SNX29: variants seen among roughly 807,000 people sequenced by gnomAD.
The protein encoded by SNX29 is sorting nexin-29.
A neutral mutation model predicts 102.1 loss-of-function variants in SNX29; 78 were observed. That is an observed-to-expected ratio of 0.76 (90% CI 0.64 to 0.92). The LOEUF (loss-of-function observed/expected upper bound fraction) is 0.92, where lower values mean the gene tolerates loss of function less well. Ranked by LOEUF, SNX29 falls within the 40% of genes least tolerant of loss-of-function variation. The pLI, the probability that SNX29 is intolerant of heterozygous loss-of-function variation, is 0.00. For synonymous variants in SNX29, 580 were observed against 414.5 expected, an observed-to-expected ratio of 1.40 and a Z score of -4.85; for missense variants, 1,280 against 1,061.7, an observed-to-expected ratio of 1.21 and a Z score of -2.86.
chr16:12,036,642 GTTT>G, intron 4 of SNX29, among the ~76,000 whole-genome samples: 1 of 60,118 alleles, frequency 1.7e-5, no homozygotes, highest in Non-Finnish European at 4.5e-5. Context: ...CGGGTTTTCT[GTTT>G]TTGTTTTTGT....
At chr16:12,492,564 G>C (rs1264628139) in intron 19 of SNX29, among the ~76,000 whole-genome samples, 1 of 152,072 alleles carries the variant, frequency 6.6e-6, no homozygotes, top group Admixed American at 6.5e-5. Context: ...TTTGGCTTTT[G>C]TTGCCATTGC....
intron 18 of SNX29, among the ~76,000 whole-genome samples, chr16:12,448,963 G>T (rs1322630605): frequency 6.6e-6 from 1 of 152,174 alleles, no homozygotes; most frequent in Non-Finnish European, 1.5e-5. Context: ...TCCAAGCTAG[G>T]GGAAGAGTTG....
chr16:12,222,973 C>T (rs1028253463), intron 14 of SNX29, among the ~76,000 whole-genome samples: 9 of 152,220 alleles, frequency 5.9e-5, no homozygotes, highest in African/African-American at 1.7e-4. Context: ...CAATGCAGGG[C>T]TCTGCAACTG....
Position 12,572,143 on chromosome 16 carries a change from C to G in SNX29, c.*3514C>G, listed in dbSNP as rs1477388991. 3.0e-6 allele frequency: 3 copies of G among 999,324 alleles called. No individual in the cohort carries two copies. Among genetic ancestry groups the G allele is most frequent in the African/African-American group, 3.4e-5 (2 of 59,586 alleles). The allele number at this position is 999,324 out of a possible 1,614,324, so 61.9% of individuals were successfully genotyped here. The stretch of plus-strand genomic sequence containing the variant: ...CTTGGCCCTGCTTCATACTTTGGAG[C>G]TTATTAAGATCAATTTTGATAACCA... On this transcript the variant is annotated 3_prime_UTR_variant, in exon 21 of 21. Coordinates refer to ENST00000566228, the MANE Select transcript of SNX29 (RefSeq NM_032167.5).
At chr16:11,981,367 G>T (rs944149626) in intron 1 of SNX29, among the ~76,000 whole-genome samples, 24 of 151,874 alleles carry the variant, frequency 1.6e-4, no homozygotes, top group African/African-American at 5.6e-4. Context: ...GCCTCCCAAA[G>T]TGCTGGGATT....
intron 12 of SNX29, among the ~76,000 whole-genome samples, chr16:12,129,050 C>T (rs936461672): frequency 6.6e-6 from 1 of 152,186 alleles, no homozygotes; most frequent in Non-Finnish European, 1.5e-5. Context: ...TCTGCTATCT[C>T]AGATGCTTTA....
At chr16:12,416,917 T>C (rs1397724404) in intron 18 of SNX29, among the ~76,000 whole-genome samples, 4 of 151,998 alleles carry the variant, frequency 2.6e-5, no homozygotes, top group Admixed American at 2.6e-4. Flanking sequence ...CAACATGATT[T>C]GGAGGGGACA....
At chr16:12,237,113 TG>T (rs2077958482) in intron 14 of SNX29, among the ~76,000 whole-genome samples, 1 of 152,100 alleles carries the variant, frequency 6.6e-6, no homozygotes, top group Non-Finnish European at 1.5e-5. Flanking sequence ...CAGTTGTACC[TG>T]GGGGCAGGCA....
chr16:12,099,578 C>G (rs990893849), intron 11 of SNX29, among the ~76,000 whole-genome samples: 1 of 152,182 alleles, frequency 6.6e-6, no homozygotes. Flanking sequence ...TCCCCCACAG[C>G]GTTCTGGCCC....
intron 18 of SNX29, among the ~76,000 whole-genome samples, chr16:12,404,840 A>T (rs1443472943): frequency 6.6e-6 from 1 of 152,108 alleles, no homozygotes; most frequent in East Asian, 1.9e-4. Flanking sequence ...TTCATTTCTC[A>T]CCTTCCCAAA....
chr16:12,471,935 C>A (rs1392627357), intron 18 of SNX29, among the ~76,000 whole-genome samples: 2 of 152,238 alleles, frequency 1.3e-5, no homozygotes, highest in East Asian at 3.9e-4. Flanking sequence ...TATGATTTCA[C>A]TTTTCACACT....
intron 20 of SNX29, among the ~76,000 whole-genome samples, chr16:12,562,112 C>T (rs892850287): frequency 1.1e-4 from 17 of 152,154 alleles, no homozygotes; most frequent in African/African-American, 3.9e-4. Flanking sequence ...AGGCCGTTCA[C>T]TCTCCTGTGT....
At chr16:12,415,983 G>A (rs554634606) in intron 18 of SNX29, among the ~76,000 whole-genome samples, 3 of 152,246 alleles carry the variant, frequency 2.0e-5, no homozygotes, top group South Asian at 2.1e-4. Context: ...AGTGGGGGCC[G>A]TCTTCTGAAT....
At chr16:12,430,907 C>G (rs1701939741) in intron 18 of SNX29, among the ~76,000 whole-genome samples, 1 of 150,002 alleles carries the variant, frequency 6.7e-6, no homozygotes, top group African/African-American at 2.5e-5. Flanking sequence ...GGCTGGAGTG[C>G]AGTGGCACAA....
chr16:12,026,395 C>T lies in SNX29; in HGVS notation c.123-925C>T, dbSNP rs527900715. On this transcript the variant is annotated intron_variant, in intron 3 of 20. Coordinates refer to ENST00000566228, the MANE Select transcript of SNX29 (RefSeq NM_032167.5). ...AGAAACCGTGCCTGTCTCACTCTCACTGTCATCTCCTCAGAGCCTAGAACA... is the reference window on the plus strand; with the variant it reads ...AGAAACCGTGCCTGTCTCACTCTCATTGTCATCTCCTCAGAGCCTAGAACA... 5.9e-5 allele frequency among the ~76,000 whole-genome samples: 9 copies of T among 152,368 alleles called. No homozygotes were observed. The East Asian group carries it at 1.5e-3, about 26-fold the overall frequency.
At chr16:12,492,556 T>C (rs927250528) in intron 19 of SNX29, among the ~76,000 whole-genome samples, 8 of 152,170 alleles carry the variant, frequency 5.3e-5, no homozygotes, top group Non-Finnish European at 1.0e-4. Context: ...TTGTCAATTT[T>C]GGCTTTTGTT....
At position 12,046,385 on chromosome 16, in the gene SNX29, A is replaced by C; in HGVS notation, c.430A>C (p.Thr144Pro). Reference sequence around the variant, plus strand: ...TTCCTTTTCTCTTTCAATCTGCAGCACTTTTTATGAAGACTGGTCTTTTGT... The same window carrying C: ...TTCCTTTTCTCTTTCAATCTGCAGCCCTTTTTATGAAGACTGGTCTTTTGT... ...MLLADRCRLS[T>P]FYEDWSFVMD... The change falls in exon 6 of 21, where the codon ACT becomes CCT. Residue 144 changes from threonine to proline, a missense_variant and splice_region_variant. Physicochemically the swap from Thr to Pro is conservative, Grantham distance 38. Coordinates refer to ENST00000566228, the MANE Select transcript of SNX29 (RefSeq NM_032167.5). The C allele has an allele frequency of 6.2e-7, 1 of 1,613,608 alleles. No homozygotes were observed.
chr16:12,300,038 T>G (rs2080115093), intron 15 of SNX29, among the ~76,000 whole-genome samples: 1 of 152,014 alleles, frequency 6.6e-6, no homozygotes, highest in African/African-American at 2.4e-5. Flanking sequence ...GCCTGGCTAA[T>G]TTTTTGTATT....
intron 4 of SNX29, among the ~76,000 whole-genome samples, chr16:12,041,612 T>C (rs1461403136): frequency 6.6e-6 from 1 of 152,194 alleles, no homozygotes; most frequent in African/African-American, 2.4e-5. Context: ...CAGAGTCTGC[T>C]CGCTGCCCAC....
Sources: gnomAD v4.1 joint callset for allele counts (sites outside exome capture counted in the v4.1 genomes callset) on GRCh38, gnomAD v4.1.1 for gene constraint, MANE v1.5 for transcripts, NCBI Gene and HGNC (gene_info 2026-07-23, HGNC 2026-07-21) for gene names.